Variants in USP45 observed in about 807,000 individuals in gnomAD.
USP45 encodes ubiquitin specific peptidase 45, also known as ubiquitin carboxyl-terminal hydrolase 45.
Under a neutral mutation model 95.8 loss-of-function variants are expected in USP45, and 89 were observed. That is an observed-to-expected ratio of 0.93 (90% CI 0.78 to 1.11). The LOEUF (loss-of-function observed/expected upper bound fraction) is 1.11. Ranked by LOEUF, USP45 falls within the 50% of genes least tolerant of loss-of-function variation. The pLI, the probability that USP45 is intolerant of heterozygous loss-of-function variation, is 0.00. For synonymous variants in USP45, 281 were observed against 316.2 expected, an observed-to-expected ratio of 0.89 and a Z score of 1.18; for missense variants, 898 against 942.5, an observed-to-expected ratio of 0.95 and a Z score of 0.62.
Position 99,464,679 on chromosome 6 carries a change from T to A in USP45, c.1233A>T (p.Arg411=). The A allele has an allele frequency of 1.9e-6, 3 of 1,613,160 alleles. No homozygotes were observed. In the South Asian group the frequency reaches 3.3e-5, roughly 18 times the overall value. ...TTTCTATAGTAACATTGCCACTGTATCGATCATGATCTGTCTCCCGTAAAC... is the reference window on the plus strand; with the variant it reads ...TTTCTATAGTAACATTGCCACTGTAACGATCATGATCTGTCTCCCGTAAAC... ...YRSLRETDHD[R]YSGNVTIENI... The change falls in exon 13 of 18, where the codon CGA becomes CGT. Residue 411 remains arginine, a synonymous_variant. Transcript: ENST00000500704.
chr6:99,494,378 G>A (rs1795848194), intron 5 of USP45, among the ~76,000 whole-genome samples: 1 of 152,096 alleles, frequency 6.6e-6, no homozygotes, highest in Non-Finnish European at 1.5e-5. Flanking sequence ...CCTATAATCT[G>A]AGTCCTCAAA....
rs1247905025 is a variant in USP45 at position 99,479,124 on chromosome 6, A to AT, written c.846-2895dup. On this transcript the variant is annotated intron_variant, in intron 8 of 17. Coordinates refer to ENST00000500704, the MANE Select transcript of USP45 (RefSeq NM_001346022.3). ...CAAAACTTTGGGGGGTGATGGATAC[A>AT]TTCATTACATTGAATGAATGTATGT... Among the ~76,000 whole-genome samples, 6 of 152,100 alleles carry AT rather than the reference A, an allele frequency of 3.9e-5. 1 individual carries two copies. The highest frequency in any genetic ancestry group is 3.9e-4 in the Admixed American group (6 of 15,272).
chr6:99,443,541 T>G, intron 15 of USP45, 24 bp downstream of exon 15: 1 of 1,524,122 alleles, frequency 6.6e-7, no homozygotes, highest in South Asian at 1.2e-5. Context: ...TGATGAAAAT[T>G]ATGGTGCTAC....
chr6:99,446,596 A>C (rs771934706), intron 13 of USP45, 133 bp from the exon 14 acceptor site: 15 of 847,050 alleles, frequency 1.8e-5, no homozygotes, highest in Middle Eastern at 3.6e-4. Context: ...TACTGAAACT[A>C]AGATCACTAG....
At chr6:99,498,575 A>G (rs1796772825) in intron 5 of USP45, among the ~76,000 whole-genome samples, 1 of 152,272 alleles carries the variant, frequency 6.6e-6, no homozygotes, top group Non-Finnish European at 1.5e-5. Flanking sequence ...TGGATAAGTA[A>G]GGCTGAAGAC....
chr6:99,506,200 C>CCCTT (rs1182340736), intron 4 of USP45, among the ~76,000 whole-genome samples: 1 of 152,114 alleles, frequency 6.6e-6, no homozygotes, highest in Non-Finnish European at 1.5e-5. Context: ...ATTCAAGGAA[C>CCCTT]CCTTAGGAGT....
At chr6:99,440,217 C>T (rs779496962) in intron 15 of USP45, among the ~76,000 whole-genome samples, 1 of 152,164 alleles carries the variant, frequency 6.6e-6, no homozygotes, top group Non-Finnish European at 1.5e-5. Flanking sequence ...CTAGGCCTAA[C>T]TCAGTGACTG....
At chr6:99,477,223 A>T (rs914364912) in intron 8 of USP45, among the ~76,000 whole-genome samples, 7 of 152,228 alleles carry the variant, frequency 4.6e-5, no homozygotes, top group Non-Finnish European at 7.3e-5. Flanking sequence ...TGCTTGAGAA[A>T]ATCGAAGAAC....
intron 7 of USP45, among the ~76,000 whole-genome samples, chr6:99,485,033 T>C (rs1052839256): frequency 5.9e-5 from 9 of 151,904 alleles, no homozygotes; most frequent in Non-Finnish European, 1.2e-4. Flanking sequence ...ACCTTAGTTT[T>C]AAAAAGTACA....
At chr6:99,437,761 A>G (rs895947885) in intron 16 of USP45, among the ~76,000 whole-genome samples, 1 of 152,054 alleles carries the variant, frequency 6.6e-6, no homozygotes, top group African/African-American at 2.4e-5. Context: ...AGGTTCAAGA[A>G]ATTCTCCTGC....
upstream of USP45, among the ~76,000 whole-genome samples, chr6:99,515,661 G>T (rs1411315093): frequency 6.6e-6 from 1 of 152,118 alleles, no homozygotes; most frequent in Non-Finnish European, 1.5e-5. Flanking sequence ...TAGGATCCTG[G>T]GCCAGCGTGC....
chr6:99,462,414 C>T (rs1786692364), intron 13 of USP45: 1 of 983,856 alleles, frequency 1.0e-6, no homozygotes, highest in African/African-American at 1.8e-5. Context: ...AATCTCCTAA[C>T]TCTTTAAACT....
chr6:99,481,778 TC>T (rs1190684923), intron 8 of USP45, among the ~76,000 whole-genome samples: 5 of 152,188 alleles, frequency 3.3e-5, no homozygotes, highest in African/African-American at 1.2e-4. Context: ...GGTTTTCTGT[TC>T]CTGCATTAAT....
chr6:99,495,436 A>G (rs1796093797), intron 5 of USP45, among the ~76,000 whole-genome samples: 1 of 152,152 alleles, frequency 6.6e-6, no homozygotes, highest in African/African-American at 2.4e-5. Context: ...AAGTGAACTT[A>G]TTTTGCATTT....
At chr6:99,507,964 T>A (rs1391956603) in intron 3 of USP45, among the ~76,000 whole-genome samples, 1 of 152,220 alleles carries the variant, frequency 6.6e-6, no homozygotes, top group Non-Finnish European at 1.5e-5. Context: ...TAATGCAACA[T>A]GAGGGGAAGT....
intron 9 of USP45, among the ~76,000 whole-genome samples, chr6:99,473,396 A>G (rs909887543): frequency 6.6e-6 from 1 of 151,988 alleles, no homozygotes; most frequent in Non-Finnish European, 1.5e-5. Flanking sequence ...AAAAAAAAAA[A>G]ATTAGCCAGG....
intron 5 of USP45, among the ~76,000 whole-genome samples, chr6:99,491,873 T>C (rs1342296448): frequency 7.9e-5 from 12 of 152,102 alleles, no homozygotes; most frequent in African/African-American, 2.7e-4. Flanking sequence ...AAATAACCTA[T>C]AGATAATAAC....
chr6:99,506,749 C>T, intron 4 of USP45, among the ~76,000 whole-genome samples: 1 of 152,196 alleles, frequency 6.6e-6, no homozygotes, highest in East Asian at 1.9e-4. Flanking sequence ...AAAGTTTTTA[C>T]AAGCTACTTA....
At chr6:99,484,261 G>A (rs1195442567) in intron 7 of USP45, among the ~76,000 whole-genome samples, 2 of 151,298 alleles carry the variant, frequency 1.3e-5, no homozygotes, top group Non-Finnish European at 2.9e-5. Context: ...TCAAACTCTT[G>A]GACCCAAGTG....
Sources: allele counts gnomAD v4.1 joint callset (sites outside exome capture counted in the v4.1 genomes callset), GRCh38; gene constraint gnomAD v4.1.1; transcripts MANE v1.5; gene names NCBI Gene and HGNC (gene_info 2026-07-23, HGNC 2026-07-21).